Variants in SPATA22 observed in about 807,000 individuals in gnomAD.
SPATA22 encodes the protein spermatogenesis associated 22, also known as spermatogenesis-associated protein 22.
A neutral mutation model predicts 47.8 loss-of-function variants in SPATA22; 29 were observed. The ratio of observed to expected loss-of-function variants is 0.61; its 90% CI spans 0.45 to 0.83. The LOEUF (loss-of-function observed/expected upper bound fraction) is 0.83. Ranked by LOEUF, SPATA22 falls within the 40% of genes least tolerant of loss-of-function variation. SPATA22 has a pLI of 0.00. For synonymous variants in SPATA22, 133 were observed against 140.9 expected (o/e 0.94, Z 0.40); for missense variants, 410 against 421.7 (o/e 0.97, Z 0.24).
chr17:3,481,517 G>C, intron 1 of SPATA22: 1 of 1,275,944 alleles, frequency 7.8e-7, no homozygotes. Context: ...TTTGGCGACT[G>C]GTTCTTTTTA....
At chr17:3,491,190 C>A (rs1056499454) in intron 1 of SPATA22, among the ~76,000 whole-genome samples, 7 of 152,162 alleles carry the variant, frequency 4.6e-5, no homozygotes, top group Admixed American at 4.6e-4. Context: ...GTTGAGAAGG[C>A]AGATCCAAGA....
At chr17:3,507,701 C>T (rs888718007) in intron 1 of SPATA22, among the ~76,000 whole-genome samples, 1 of 152,176 alleles carries the variant, frequency 6.6e-6, no homozygotes, top group Non-Finnish European at 1.5e-5. Context: ...AACTGGGATA[C>T]GACACTCACC....
intron 1 of SPATA22, chr17:3,512,170 C>T (rs2074121397): frequency 6.6e-6 from 1 of 152,262 alleles, no homozygotes; most frequent in Admixed American, 6.5e-5. Flanking sequence ...TCTGCCCATT[C>T]TGAAACACAT....
chr17:3,491,399 G>A (rs1194561323), intron 1 of SPATA22, among the ~76,000 whole-genome samples: 1 of 152,068 alleles, frequency 6.6e-6, no homozygotes, highest in Non-Finnish European at 1.5e-5. Flanking sequence ...TCTATAAAGA[G>A]GAATTTAGCC....
At chr17:3,453,105 A>G (rs1282735342) in intron 5 of SPATA22, among the ~76,000 whole-genome samples, 1 of 152,220 alleles carries the variant, frequency 6.6e-6, no homozygotes, top group Non-Finnish European at 1.5e-5. Context: ...ACTAAAGAAC[A>G]TACATGCAAA....
At chr17:3,453,215 A>G (rs1200003516) in intron 5 of SPATA22, among the ~76,000 whole-genome samples, 3 of 152,220 alleles carry the variant, frequency 2.0e-5, no homozygotes, top group Non-Finnish European at 4.4e-5. Flanking sequence ...CAGGATCCAT[A>G]CTTCAAACCT....
In SPATA22 at chr17:3,489,834, A is replaced by G. The variant is rs1203335063; in HGVS notation, c.-73-20436T>C. 7.2e-5 allele frequency among the ~76,000 whole-genome samples: 11 copies of G among 152,302 alleles called. No individual in the cohort carries two copies. The East Asian group carries it at 2.1e-3, about 29-fold the overall frequency. ...AGCATCCACTTCTTAAAACACACCA[A>G]TCTTATTACCCAGCGATTCCACATC... On this transcript the variant is annotated intron_variant, in intron 1 of 8. Transcript: ENST00000541913.
At chr17:3,461,374 G>A (rs1236543996) in intron 5 of SPATA22, among the ~76,000 whole-genome samples, 1 of 152,176 alleles carries the variant, frequency 6.6e-6, no homozygotes, top group Admixed American at 6.5e-5. Flanking sequence ...TGGATTTCCT[G>A]TTGTATTCCA....
At chr17:3,504,211 C>T (rs900947005) in intron 1 of SPATA22, among the ~76,000 whole-genome samples, 1 of 152,192 alleles carries the variant, frequency 6.6e-6, no homozygotes, top group Non-Finnish European at 1.5e-5. Flanking sequence ...GTCGACCTGA[C>T]TTTGTTGCCA....
rs576960892 is a variant in SPATA22 at position 3,465,139 on chromosome 17, C to G, written c.172+2287G>C. ...GAGCGTCTCCGCCCGGCAGCCACCCCGTCCGGGAGGGAGGTGGGGGGGTCA... is the reference window on the plus strand; with the variant it reads ...GAGCGTCTCCGCCCGGCAGCCACCCGGTCCGGGAGGGAGGTGGGGGGGTCA... On this transcript the variant is annotated intron_variant, in intron 3 of 8. Coordinates refer to ENST00000572969, the MANE Select transcript of SPATA22 (RefSeq NM_001170698.2). Among the ~76,000 whole-genome samples the G allele has an allele frequency of 8.3e-5, 10 of 120,522 alleles. 2 individuals are homozygous for G. The highest frequency in any genetic ancestry group is 1.3e-4 in the Non-Finnish European group (7 of 55,466). The allele number at this position is 120,522 out of a possible 152,430, so 79.1% of individuals were successfully genotyped here. A position where few individuals can be genotyped will look rare whatever the true frequency, so the allele number is the denominator to read the frequency against.
intron 1 of SPATA22, among the ~76,000 whole-genome samples, chr17:3,492,694 A>G (rs8068225): frequency 0.36 from 54,139 of 152,090 alleles, 10,287 homozygotes; most frequent in East Asian, 0.7. Flanking sequence ...CTGCTGGATA[A>G]TGAAAGCCTT....
Sources: gnomAD v4.1 joint callset for allele counts (sites outside exome capture counted in the v4.1 genomes callset) on GRCh38, gnomAD v4.1.1 for gene constraint, MANE v1.5 for transcripts, NCBI Gene and HGNC (gene_info 2026-07-23, HGNC 2026-07-21) for gene names.